The following BCAT1 variants were observed in gnomAD, a reference collection of about 807,000 sequenced individuals.
BCAT1 encodes the protein branched chain amino acid transaminase 1.
A neutral mutation model predicts 52.4 loss-of-function variants in BCAT1; 48 were observed. That is an observed-to-expected ratio of 0.92 (90% CI 0.73 to 1.16). The LOEUF is 1.16. Ranked by LOEUF, BCAT1 falls within the 50% of genes most tolerant of loss-of-function variation. The probability of loss-of-function intolerance (pLI) is 0.00; values close to 1 mark genes in which losing one functional copy is unlikely to be tolerated. For missense variants in BCAT1, 451 were observed against 457.1 expected (o/e 0.99, Z 0.12); for synonymous variants, 167 against 161.3 (o/e 1.04, Z -0.27).
chr12:24,812,303 A>T lies in BCAT1; in HGVS notation c.*5705T>A, dbSNP rs1030294094. 8.6e-6 allele frequency: 1 copy of T among 116,226 alleles called. No homozygotes were observed. Among genetic ancestry groups the T allele is most frequent in the Admixed American group, 8.8e-5 (1 of 11,376 alleles). The allele number at this position is 116,226 out of a possible 1,614,324, so 7.2% of individuals were successfully genotyped here. On this transcript the variant is annotated 3_prime_UTR_variant, in exon 11 of 11. Transcript: ENST00000261192. ...CCACCTATCAGGATAGGAGATAGTA[A>T]ATAGTATCTCTAAGGGAAAAAAGTC...
chr12:24,929,024 G>C (rs569179297), intron 1 of BCAT1, among the ~76,000 whole-genome samples: 1 of 152,162 alleles, frequency 6.6e-6, no homozygotes, highest in African/African-American at 2.4e-5. Flanking sequence ...GCCTCCCAAA[G>C]TGCTGAGATT....
At chr12:24,857,916 G>C (rs369128850) in intron 5 of BCAT1, among the ~76,000 whole-genome samples, 1 of 152,152 alleles carries the variant, frequency 6.6e-6, no homozygotes, top group Non-Finnish European at 1.5e-5. Flanking sequence ...CTCTGTGCAC[G>C]TTTGGATCAG....
chr12:24,910,875 C>T (rs1197875343), intron 1 of BCAT1, among the ~76,000 whole-genome samples: 8 of 152,102 alleles, frequency 5.3e-5, no homozygotes, highest in African/African-American at 1.4e-4. Flanking sequence ...GAGGCCAAGG[C>T]GGCCGATCAC....
At chr12:24,909,185 T>TA (rs1002642041) in intron 1 of BCAT1, among the ~76,000 whole-genome samples, 25 of 151,964 alleles carry the variant, frequency 1.6e-4, no homozygotes, top group Non-Finnish European at 2.4e-4. Context: ...AAAGTTTCTT[T>TA]AAAAAAAATA....
intron 8 of BCAT1, chr12:24,834,678 T>C: frequency 3.0e-6 from 3 of 1,003,680 alleles, no homozygotes; most frequent in Non-Finnish European, 3.6e-6. Flanking sequence ...GGAAAATATA[T>C]CTGCAATAGA....
At chr12:24,820,666 C>T (rs1940079532) in intron 10 of BCAT1, among the ~76,000 whole-genome samples, 1 of 152,082 alleles carries the variant, frequency 6.6e-6, no homozygotes, top group Non-Finnish European at 1.5e-5. Flanking sequence ...CAAGTCAGGT[C>T]GAGCCTGCGG....
chr12:24,826,718 G>C (rs1940413139), intron 10 of BCAT1, among the ~76,000 whole-genome samples: 1 of 152,054 alleles, frequency 6.6e-6, no homozygotes, highest in Admixed American at 6.5e-5. Flanking sequence ...TCTGTAAATT[G>C]CTTTGTGTAG....
intron 1 of BCAT1, among the ~76,000 whole-genome samples, chr12:24,909,384 A>G (rs1473260040): frequency 6.6e-6 from 1 of 152,216 alleles, no homozygotes; most frequent in African/African-American, 2.4e-5. Context: ...ATTTGGGCTT[A>G]TTCAATGCCA....
At chr12:24,910,176 C>A (rs1331090753) in intron 1 of BCAT1, among the ~76,000 whole-genome samples, 2 of 151,966 alleles carry the variant, frequency 1.3e-5, no homozygotes, top group Admixed American at 6.6e-5. Flanking sequence ...GAGTTCGAGA[C>A]CAACCTGGCC....
intron 5 of BCAT1, among the ~76,000 whole-genome samples, chr12:24,869,391 G>A (rs1173611593): frequency 6.6e-6 from 1 of 152,134 alleles, no homozygotes; most frequent in Non-Finnish European, 1.5e-5. Flanking sequence ...TGCAAGGCAG[G>A]AAGCATGCTA....
At chr12:24,938,720 C>T (rs1943805067) in intron 1 of BCAT1, among the ~76,000 whole-genome samples, 1 of 152,082 alleles carries the variant, frequency 6.6e-6, no homozygotes, top group Admixed American at 6.6e-5. Flanking sequence ...CCCCCATGTT[C>T]ATCAGGTCTT....
intron 5 of BCAT1, among the ~76,000 whole-genome samples, chr12:24,869,389 A>G (rs1942117452): frequency 6.6e-6 from 1 of 152,172 alleles, no homozygotes; most frequent in African/African-American, 2.4e-5. Context: ...TCTGCAAGGC[A>G]GGAAGCATGC....
chr12:24,910,288 G>A (rs1484919908), intron 1 of BCAT1, among the ~76,000 whole-genome samples: 2 of 151,840 alleles, frequency 1.3e-5, no homozygotes, highest in Non-Finnish European at 2.9e-5. Flanking sequence ...GAGGCAGGAG[G>A]ATCACTTGAA....
At chr12:24,891,008 T>C (rs984171124) in intron 3 of BCAT1, among the ~76,000 whole-genome samples, 1 of 152,154 alleles carries the variant, frequency 6.6e-6, no homozygotes, top group African/African-American at 2.4e-5. Context: ...CCTTTGATCA[T>C]AGAAGTCTCC....
chr12:24,949,239 G>A (rs753281397), upstream of BCAT1: 8 of 487,154 alleles, frequency 1.6e-5, no homozygotes, highest in African/African-American at 1.2e-4. Context: ...GCCCAGACCC[G>A]AGCCTCACTC....
At chr12:24,923,639 A>G (rs1305765105) in intron 1 of BCAT1, among the ~76,000 whole-genome samples, 1 of 152,118 alleles carries the variant, frequency 6.6e-6, no homozygotes. Context: ...CAAACTCCTG[A>G]GCCCAAGCGA....
chr12:24,878,442 T>A, intron 5 of BCAT1, 88 bp downstream of exon 5: 1 of 1,293,984 alleles, frequency 7.7e-7, no homozygotes, highest in East Asian at 2.6e-5. Flanking sequence ...GGGGGGCTAC[T>A]GCAAACTATA....
At chr12:24,872,204 T>C (rs1942200479) in intron 5 of BCAT1, among the ~76,000 whole-genome samples, 1 of 152,218 alleles carries the variant, frequency 6.6e-6, no homozygotes, top group Non-Finnish European at 1.5e-5. Flanking sequence ...GGCTGAATTG[T>C]ATGTTCAATC....
intron 5 of BCAT1, among the ~76,000 whole-genome samples, chr12:24,859,290 A>G (rs1941781714): frequency 6.6e-6 from 1 of 152,222 alleles, no homozygotes; most frequent in African/African-American, 2.4e-5. Flanking sequence ...AAAGTGAGAC[A>G]TTGTTTGGAA....
Sources: gnomAD v4.1 joint callset for allele counts (sites outside exome capture counted in the v4.1 genomes callset) on GRCh38, gnomAD v4.1.1 for gene constraint, MANE v1.5 for transcripts, NCBI Gene and HGNC (gene_info 2026-07-23, HGNC 2026-07-21) for gene names.